TRAPPC9: variants seen among roughly 807,000 people sequenced by gnomAD.
TRAPPC9 encodes the protein trafficking protein particle complex subunit 9.
TRAPPC9 carries 83 observed loss-of-function variants against 124.0 expected under a neutral mutation model. The ratio of observed to expected loss-of-function variants is 0.67; its 90% confidence interval spans 0.56 to 0.80. TRAPPC9 has a LOEUF of 0.80. Ranked by LOEUF, TRAPPC9 falls within the 30% of genes least tolerant of loss-of-function variation. TRAPPC9 has a pLI of 0.00. For missense variants in TRAPPC9, 1,302 were observed against 1,508.3 expected (o/e 0.86, Z 2.27); for synonymous variants, 638 against 617.5 (o/e 1.03, Z -0.49).
chr8:140,024,851 C>A (rs1840040652), intron 17 of TRAPPC9, among the ~76,000 whole-genome samples: 1 of 152,140 alleles, frequency 6.6e-6, no homozygotes, highest in African/African-American at 2.4e-5. Context: ...GTGCTTCTAT[C>A]CAGAAGGTAG....
At chr8:140,094,266 C>T (rs1844778542) in intron 17 of TRAPPC9, among the ~76,000 whole-genome samples, 1 of 152,198 alleles carries the variant, frequency 6.6e-6, no homozygotes. Context: ...CCACAGTATG[C>T]CTCATCCCAG....
chr8:140,231,070 T>C (rs996188545), intron 16 of TRAPPC9, among the ~76,000 whole-genome samples: 1 of 152,218 alleles, frequency 6.6e-6, no homozygotes, highest in Admixed American at 6.5e-5. Flanking sequence ...AAAGTCTGTA[T>C]CCAAATAGTT....
intron 21 of TRAPPC9, among the ~76,000 whole-genome samples, chr8:139,746,967 T>A (rs1352216163): frequency 6.6e-6 from 1 of 152,188 alleles, no homozygotes; most frequent in Non-Finnish European, 1.5e-5. Context: ...GACAAGCACT[T>A]TAGACAACTG....
At chr8:139,912,436 TA>T (rs1410835127) in intron 19 of TRAPPC9, among the ~76,000 whole-genome samples, 1 of 152,172 alleles carries the variant, frequency 6.6e-6, no homozygotes, top group African/African-American at 2.4e-5. Context: ...AAAAAATGAC[TA>T]TTGTAGAAAA....
At chr8:140,208,147 T>C (rs1192146397) in intron 17 of TRAPPC9, among the ~76,000 whole-genome samples, 2 of 131,690 alleles carry the variant, frequency 1.5e-5, no homozygotes, top group Non-Finnish European at 3.1e-5. Flanking sequence ...TGAAACTCTG[T>C]CTCAAAAAAA....
intron 19 of TRAPPC9, among the ~76,000 whole-genome samples, chr8:139,942,245 G>A (rs1288161816): frequency 2.0e-5 from 3 of 152,162 alleles, no homozygotes; most frequent in African/African-American, 4.8e-5. Flanking sequence ...GAGCACGAGG[G>A]TTCTCCCTCA....
chr8:140,220,833 T>G (rs2063323421), intron 17 of TRAPPC9, among the ~76,000 whole-genome samples: 1 of 152,322 alleles, frequency 6.6e-6, no homozygotes, highest in Admixed American at 6.5e-5. Context: ...CATTGCCGCC[T>G]GCAGCCCAGT....
chr8:140,223,450 C>CA (rs1443919883), intron 16 of TRAPPC9, among the ~76,000 whole-genome samples: 1 of 152,150 alleles, frequency 6.6e-6, no homozygotes, highest in East Asian at 1.9e-4. Flanking sequence ...AGACGGGTGG[C>CA]AAGTCTGAAA....
intron 18 of TRAPPC9, among the ~76,000 whole-genome samples, chr8:140,009,591 T>C (rs927033195): frequency 1.3e-5 from 2 of 152,210 alleles, no homozygotes; most frequent in Admixed American, 1.3e-4. Flanking sequence ...AGGCTTAGCC[T>C]ATTTAATGTT....
intron 20 of TRAPPC9, among the ~76,000 whole-genome samples, chr8:139,903,656 T>C (rs1451631514): frequency 4.6e-5 from 7 of 152,206 alleles, no homozygotes; most frequent in Non-Finnish European, 8.8e-5. Flanking sequence ...TGCAGTTCCT[T>C]TCACACACTC....
At chr8:140,095,902 G>A (rs767493427) in intron 17 of TRAPPC9, 3 of 152,258 alleles carry the variant, frequency 2.0e-5, no homozygotes, top group Non-Finnish European at 2.9e-5. Context: ...CCTGCGCTCC[G>A]GGTTTGAATT....
At chr8:140,395,767 C>G (rs536021973) in intron 7 of TRAPPC9, among the ~76,000 whole-genome samples, 1 of 152,148 alleles carries the variant, frequency 6.6e-6, no homozygotes, top group African/African-American at 2.4e-5. Flanking sequence ...CTCCTCCACC[C>G]CCTGCCCTGT....
chr8:140,017,032 A>C (rs1839513299), intron 18 of TRAPPC9, among the ~76,000 whole-genome samples: 1 of 152,186 alleles, frequency 6.6e-6, no homozygotes, highest in Admixed American at 6.5e-5. Flanking sequence ...GCATTTCTCT[A>C]ATGATTAATA....
chr8:139,860,451 T>C, intron 21 of TRAPPC9, among the ~76,000 whole-genome samples: 1 of 152,338 alleles, frequency 6.6e-6, no homozygotes, highest in East Asian at 1.9e-4. Context: ...TGAATGGCTG[T>C]TTCCGGGATA....
chr8:140,236,377 C>T, intron 16 of TRAPPC9, among the ~76,000 whole-genome samples: 1 of 152,136 alleles, frequency 6.6e-6, no homozygotes, highest in East Asian at 1.9e-4. Flanking sequence ...GCCAGAGTGC[C>T]CAGTCACTTA....
intron 11 of TRAPPC9, among the ~76,000 whole-genome samples, chr8:140,293,101 A>G (rs1408933863): frequency 4.7e-5 from 7 of 148,530 alleles, no homozygotes; most frequent in African/African-American, 7.7e-5. Context: ...GCAGCCAAAA[A>G]ACACATGAAA....
At chr8:139,835,282 G>T (rs1433960697) in intron 21 of TRAPPC9, among the ~76,000 whole-genome samples, 2 of 152,188 alleles carry the variant, frequency 1.3e-5, no homozygotes, top group African/African-American at 4.8e-5. Context: ...TGCTTTTTAT[G>T]TGTTTTACAT....
intron 21 of TRAPPC9, among the ~76,000 whole-genome samples, chr8:139,772,573 C>T (rs866753396): frequency 3.3e-5 from 5 of 152,178 alleles, no homozygotes; most frequent in African/African-American, 1.2e-4. Context: ...TGCCTGGAGT[C>T]GGCTACACAT....
At chr8:140,305,154 C>T (rs1343010602) in intron 10 of TRAPPC9, among the ~76,000 whole-genome samples, 1 of 152,194 alleles carries the variant, frequency 6.6e-6, no homozygotes, top group African/African-American at 2.4e-5. Flanking sequence ...AATCACGCTT[C>T]CTTCTTGTCA....
Sources: gnomAD v4.1 joint callset for allele counts (sites outside exome capture counted in the v4.1 genomes callset) on GRCh38, gnomAD v4.1.1 for gene constraint, MANE v1.5 for transcripts, NCBI Gene and HGNC (gene_info 2026-07-23, HGNC 2026-07-21) for gene names.